The following PHACTR4 variants were observed in gnomAD, a reference collection of about 807,000 sequenced individuals.
The protein encoded by PHACTR4 is protein phosphatase 1, regulatory subunit 124.
In PHACTR4, 51 loss-of-function variants were observed where a neutral mutation model predicts 72.7. That is an observed-to-expected ratio of 0.70 (90% CI 0.56 to 0.89). The LOEUF is 0.89. Ranked by LOEUF, PHACTR4 falls within the 40% of genes least tolerant of loss-of-function variation. The pLI, the probability that PHACTR4 is intolerant of heterozygous loss-of-function variation, is 0.00. For missense variants in PHACTR4, 731 were observed against 861.8 expected (o/e 0.85, Z 1.90); for synonymous variants, 255 against 302.5 (o/e 0.84, Z 1.63).
intron 2 of PHACTR4, among the ~76,000 whole-genome samples, chr1:28,415,558 G>C (rs180727300): frequency 2.6e-5 from 4 of 152,276 alleles, no homozygotes; most frequent in African/African-American, 9.6e-5. Flanking sequence ...AAAGATTTTT[G>C]AGGTGGAGGA....
chr1:28,410,516 CAATTA>C (rs780817752), intron 2 of PHACTR4, among the ~76,000 whole-genome samples: 9 of 152,092 alleles, frequency 5.9e-5, no homozygotes, highest in East Asian at 1.9e-4. Flanking sequence ...TATTATTAAA[CAATTA>C]AATTAAACTG....
intron 8 of PHACTR4, among the ~76,000 whole-genome samples, chr1:28,476,747 G>C (rs1247163297): frequency 6.9e-6 from 1 of 145,044 alleles, no homozygotes; most frequent in Middle Eastern, 3.5e-3. Flanking sequence ...TAGAGACAGG[G>C]TCTCGTTAGG....
chr1:28,423,910 T>C (rs1363966206), intron 2 of PHACTR4, among the ~76,000 whole-genome samples: 10 of 152,210 alleles, frequency 6.6e-5, no homozygotes, highest in Admixed American at 6.5e-4. Flanking sequence ...ATTTAGTTTA[T>C]TTTCTAAGTT....
chr1:28,383,612 C>T (rs566748182), intron 1 of PHACTR4, among the ~76,000 whole-genome samples: 4 of 152,118 alleles, frequency 2.6e-5, no homozygotes, highest in African/African-American at 9.6e-5. Flanking sequence ...GTGTGTGTAG[C>T]AGTCGTGAAA....
chr1:28,409,602 C>G (rs78085960), intron 2 of PHACTR4, among the ~76,000 whole-genome samples: 1 of 152,088 alleles, frequency 6.6e-6, no homozygotes, highest in Admixed American at 6.6e-5. Context: ...CTTCATCACA[C>G]GGAAAGAAGT....
intron 2 of PHACTR4, among the ~76,000 whole-genome samples, chr1:28,427,462 G>A (rs959631386): frequency 4.6e-5 from 7 of 152,082 alleles, no homozygotes; most frequent in South Asian, 4.1e-4. Flanking sequence ...GGAGGCGGAC[G>A]TTGCAGTAAG....
rs371131701 is a variant in PHACTR4, at chr1:28,465,767, T to C, written c.354T>C (p.Ser118=). 46 of 1,613,796 alleles carry C rather than the reference T, an allele frequency of 2.9e-5. No individual in the cohort carries two copies. Among genetic ancestry groups the C allele is most frequent in the South Asian group, 5.5e-5 (5 of 91,082 alleles). Residue 118 remains serine, a synonymous_variant, in exon 5 of 14, where the codon AGT becomes AGC. Transcript: ENST00000373839. ...CCATAGGGAATGCCAGATCATCTAG[T>C]CCAGTCCAAGTAGAGGAAGAGCCAG... ...TTPIGNARSS[S]PVQVEEEPVR...
intron 1 of PHACTR4, among the ~76,000 whole-genome samples, chr1:28,393,155 TAAAC>T (rs66617577): frequency 0.26 from 39,404 of 151,956 alleles, 5,212 homozygotes; most frequent in Middle Eastern, 0.34. Flanking sequence ...TTTTGTCAGT[TAAAC>T]AAAATATGGC....
chr1:28,389,914 C>T (rs1176652803), intron 1 of PHACTR4, among the ~76,000 whole-genome samples: 2 of 152,104 alleles, frequency 1.3e-5, no homozygotes, highest in African/African-American at 4.8e-5. Flanking sequence ...TATCTGTACG[C>T]TCATGTTCAT....
chr1:28,434,693 CTTTTA>C (rs1416717718), intron 2 of PHACTR4, among the ~76,000 whole-genome samples: 2 of 152,042 alleles, frequency 1.3e-5, no homozygotes, highest in African/African-American at 2.4e-5. Context: ...CAAGATTTGG[CTTTTA>C]TTTTATTTTA....
intron 2 of PHACTR4, among the ~76,000 whole-genome samples, chr1:28,443,743 G>C (rs1190575034): frequency 6.6e-6 from 1 of 151,988 alleles, no homozygotes; most frequent in Non-Finnish European, 1.5e-5. Context: ...TTGTGAGCTA[G>C]TACACCTGGC....
rs773223285 is a variant in PHACTR4 at position 28,497,354 on chromosome 1, A to C, written c.*805A>C. On this transcript the variant is annotated 3_prime_UTR_variant, in exon 14 of 14. Transcript: ENST00000373839. ...GATCACCTGAGGTCAGGAGTTCAAG[A>C]CCAGCCTGGCCAACATGGTGAAACC... is the stretch of plus-strand genomic sequence containing the variant. The C allele has an allele frequency of 2.0e-5, 3 of 151,680 alleles. No homozygotes were observed. The highest frequency in any genetic ancestry group is 4.4e-5 in the Non-Finnish European group (3 of 67,964). The allele number at this position is 151,680 out of a possible 1,614,324, so 9.4% of individuals were successfully genotyped here.
chr1:28,464,955 C>T (rs1234839202), intron 4 of PHACTR4, among the ~76,000 whole-genome samples: 2 of 152,070 alleles, frequency 1.3e-5, no homozygotes, highest in Non-Finnish European at 2.9e-5. Flanking sequence ...CCACCTGCCT[C>T]AGCCTCCCAA....
At chr1:28,378,759 A>C (rs1201079200) in intron 1 of PHACTR4, among the ~76,000 whole-genome samples, 2 of 151,970 alleles carry the variant, frequency 1.3e-5, no homozygotes, top group African/African-American at 4.8e-5. Context: ...ATAATGAAGA[A>C]GTCTTAGGAG....
intron 1 of PHACTR4, among the ~76,000 whole-genome samples, chr1:28,395,818 A>ATTTTTTTTTTTTTTTTTTTTTT (rs754161784): frequency 1.3e-5 from 1 of 75,016 alleles, no homozygotes; most frequent in African/African-American, 8.0e-5. Flanking sequence ...CGCCTGGCTA[A>ATTTTTTTTTTTTTTTTTTTTTT]TTTTTTTTTT....
intron 2 of PHACTR4, among the ~76,000 whole-genome samples, chr1:28,408,112 T>C (rs1654490457): frequency 6.6e-6 from 1 of 152,212 alleles, no homozygotes; most frequent in Non-Finnish European, 1.5e-5. Flanking sequence ...AGAGCAAGAC[T>C]CTGTCTCAAA....
intron 1 of PHACTR4, among the ~76,000 whole-genome samples, chr1:28,372,293 ATC>A (rs1182472771): frequency 1.3e-5 from 2 of 152,128 alleles, no homozygotes; most frequent in Non-Finnish European, 2.9e-5. Context: ...CTTTACATGA[ATC>A]AGGGAAGGTT....
chr1:28,446,890 A>G (rs1408098481), intron 2 of PHACTR4, among the ~76,000 whole-genome samples: 1 of 152,134 alleles, frequency 6.6e-6, no homozygotes, highest in Non-Finnish European at 1.5e-5. Flanking sequence ...AAGTTCCTGC[A>G]GCTTCCCCCG....
chr1:28,384,124 T>G lies in PHACTR4; in HGVS notation c.-39+14299T>G, dbSNP rs1202432608. ...CAAGAATGTTGACCTGAAGTTTTCT[T>G]TTTTTTGTTGTGTCTCTGCCAAGTT... On this transcript the variant is annotated intron_variant, in intron 1 of 13. Transcript: ENST00000373839. 7.9e-5 allele frequency among the ~76,000 whole-genome samples: 12 copies of G among 152,118 alleles called. 1 individual carries two copies. The highest frequency in any genetic ancestry group is 7.9e-4 in the Admixed American group (12 of 15,248).
Sources: gnomAD v4.1 joint callset for allele counts (sites outside exome capture counted in the v4.1 genomes callset) on GRCh38, gnomAD v4.1.1 for gene constraint, MANE v1.5 for transcripts, NCBI Gene and HGNC (gene_info 2026-07-23, HGNC 2026-07-21) for gene names.